The following USP32 variants were observed in gnomAD, a reference collection of about 807,000 sequenced individuals.
USP32 encodes the protein ubiquitin specific peptidase 32.
In USP32, 59 loss-of-function variants were observed where a neutral mutation model predicts 204.8. The ratio of observed to expected loss-of-function variants is 0.29; its 90% CI spans 0.23 to 0.36. The LOEUF is 0.36. USP32 is among the 10% of genes least tolerant of loss of function. The pLI is 1.00. For missense variants in USP32, 1,160 were observed against 1,946.4 expected (o/e 0.60, Z 7.60); for synonymous variants, 517 against 678.4 (o/e 0.76, Z 3.70).
chr17:60,210,991 T>C, intron 21 of USP32, 22 bp downstream of exon 21: 2 of 1,578,486 alleles, frequency 1.3e-6, no homozygotes, highest in East Asian at 2.3e-5. Context: ...TAAATACTTT[T>C]ATATTATTTT....
At chr17:60,337,183 C>T (rs1332268861) in intron 2 of USP32, among the ~76,000 whole-genome samples, 2 of 152,174 alleles carry the variant, frequency 1.3e-5, no homozygotes, top group African/African-American at 4.8e-5. Context: ...TGCAGGCCCC[C>T]CAACTCAGAG....
chr17:60,294,575 G>C, intron 4 of USP32, 108 bp downstream of exon 4: 1 of 593,488 alleles, frequency 1.7e-6, no homozygotes, highest in Non-Finnish European at 2.9e-6. Flanking sequence ...AAAATGCCAA[G>C]AGTAATCTGC....
At chr17:60,269,639 CTCTT>C in intron 6 of USP32, 82 bp from the exon 7 acceptor site, 1 of 1,202,076 alleles carries the variant, frequency 8.3e-7, no homozygotes, top group Non-Finnish European at 1.2e-6. Flanking sequence ...GGAGGAATGA[CTCTT>C]TCCCATAAAC....
intron 27 of USP32, among the ~76,000 whole-genome samples, chr17:60,195,000 A>T (rs2084476461): frequency 6.6e-6 from 1 of 152,218 alleles, no homozygotes; most frequent in Admixed American, 6.5e-5. Context: ...GAACTATACA[A>T]TGAACATCCC....
chr17:60,417,372 C>T lies in USP32; in HGVS notation c.106+4874G>A, dbSNP rs542595857. On this transcript the variant is annotated intron_variant, in intron 1 of 3. Transcript: ENST00000588898. ...TGTTGCCCATGCTGGTCTCTAACTCCTAGGCTCAAAAGATCCTCTTGCCTT... is the reference window on the plus strand; with the variant it reads ...TGTTGCCCATGCTGGTCTCTAACTCTTAGGCTCAAAAGATCCTCTTGCCTT... Among the ~76,000 whole-genome samples, 3 of 152,206 alleles carry T rather than the reference C, an allele frequency of 2.0e-5. No individual in the cohort carries two copies. In the South Asian group the frequency reaches 6.2e-4, roughly 32 times the overall value.
chr17:60,253,777 A>G (rs1344036467), intron 10 of USP32, among the ~76,000 whole-genome samples: 1 of 152,054 alleles, frequency 6.6e-6, no homozygotes, highest in Non-Finnish European at 1.5e-5. Context: ...TAAATAAATA[A>G]ATAAATAAAA....
chr17:60,401,492 A>G (rs1429342114), intron 1 of USP32, among the ~76,000 whole-genome samples: 1 of 152,174 alleles, frequency 6.6e-6, no homozygotes, highest in East Asian at 1.9e-4. Flanking sequence ...GGGGCTATCA[A>G]TGTGCAATAC....
chr17:60,223,352 T>C (rs980468639), intron 14 of USP32, 59 bp downstream of exon 14: 1 of 1,489,940 alleles, frequency 6.7e-7, no homozygotes, highest in African/African-American at 1.4e-5. Flanking sequence ...ACCTCTGAAA[T>C]GAAATTTATT....
At chr17:60,228,793 C>T (rs1189464372) in intron 12 of USP32, among the ~76,000 whole-genome samples, 1 of 151,590 alleles carries the variant, frequency 6.6e-6, no homozygotes, top group Non-Finnish European at 1.5e-5. Context: ...CACTGCACTC[C>T]AGCCAGAGCA....
intron 2 of USP32, among the ~76,000 whole-genome samples, chr17:60,306,546 G>C (rs1323436678): frequency 2.0e-5 from 3 of 152,028 alleles, no homozygotes; most frequent in Non-Finnish European, 4.4e-5. Flanking sequence ...GCTGAGGCAG[G>C]AGAATCACTT....
chr17:60,379,841 C>A (rs2089616209), intron 1 of USP32, among the ~76,000 whole-genome samples: 1 of 152,182 alleles, frequency 6.6e-6, no homozygotes, highest in South Asian at 2.1e-4. Context: ...ATCATACAGA[C>A]ACACCAATGA....
intron 2 of USP32, among the ~76,000 whole-genome samples, chr17:60,315,608 A>G (rs1426919587): frequency 1.3e-5 from 2 of 152,208 alleles, no homozygotes; most frequent in Non-Finnish European, 2.9e-5. Flanking sequence ...CAGAGATTCA[A>G]ACAGATACTT....
At chr17:60,247,557 C>G (rs2086062971) in intron 11 of USP32, among the ~76,000 whole-genome samples, 1 of 152,146 alleles carries the variant, frequency 6.6e-6, no homozygotes, top group South Asian at 2.1e-4. Flanking sequence ...ACGTGGATAT[C>G]CAATTTTTCC....
intron 9 of USP32, among the ~76,000 whole-genome samples, chr17:60,264,739 A>C (rs1304656604): frequency 6.6e-6 from 1 of 151,590 alleles, no homozygotes; most frequent in Non-Finnish European, 1.5e-5. Flanking sequence ...ACACACCTGC[A>C]GTCCCAGCTA....
intron 2 of USP32, among the ~76,000 whole-genome samples, chr17:60,307,607 C>G (rs1168153721): frequency 6.6e-6 from 1 of 152,138 alleles, no homozygotes; most frequent in Non-Finnish European, 1.5e-5. Flanking sequence ...TTCAAACTTA[C>G]TAAAAACCTA....
At chr17:60,379,550 A>G (rs1442621333) in intron 1 of USP32, among the ~76,000 whole-genome samples, 2 of 152,202 alleles carry the variant, frequency 1.3e-5, no homozygotes, top group East Asian at 3.8e-4. Context: ...ACACAAATAC[A>G]TGAGATGCGC....
intron 16 of USP32, among the ~76,000 whole-genome samples, chr17:60,218,645 C>T (rs2085166148): frequency 1.3e-5 from 2 of 151,928 alleles, no homozygotes; most frequent in Admixed American, 1.3e-4. Flanking sequence ...ACTCCGTCAC[C>T]CAGGCTGGAG....
At chr17:60,421,812 G>C (rs1395261217) in intron 1 of USP32, 1 of 972,534 alleles carries the variant, frequency 1.0e-6, no homozygotes, top group African/African-American at 1.8e-5. Context: ...GGGGTGGCGG[G>C]ACTTTCGCCG....
intron 13 of USP32, among the ~76,000 whole-genome samples, chr17:60,225,636 G>A (rs757268598): frequency 6.6e-6 from 1 of 152,006 alleles, no homozygotes; most frequent in African/African-American, 2.4e-5. Flanking sequence ...TACAGCCTCT[G>A]TCAAATTAGA....
Sources: allele counts gnomAD v4.1 joint callset (sites outside exome capture counted in the v4.1 genomes callset), GRCh38; gene constraint gnomAD v4.1.1; transcripts MANE v1.5; gene names NCBI Gene and HGNC (gene_info 2026-07-23, HGNC 2026-07-21).